The following MAML3 variants were observed in gnomAD, a reference collection of about 807,000 sequenced individuals.
MAML3 encodes mastermind like transcriptional coactivator 3, also known as mastermind-like protein 3.
MAML3 carries 27 observed loss-of-function variants against 101.9 expected under a neutral mutation model. That is an observed-to-expected ratio of 0.27 (90% CI 0.20 to 0.37). The LOEUF (loss-of-function observed/expected upper bound fraction) is 0.37. Among genes scored for constraint, MAML3 ranks in the 10% least tolerant of loss-of-function variants. The probability of loss-of-function intolerance (pLI) is 1.00; values close to 1 mark genes in which losing one functional copy is unlikely to be tolerated. For missense variants in MAML3, 1,316 were observed against 1,444.9 expected, an observed-to-expected ratio of 0.91 and a Z score of 1.45; for synonymous variants, 501 against 555.9, an observed-to-expected ratio of 0.90 and a Z score of 1.39.
intron 2 of MAML3, among the ~76,000 whole-genome samples, chr4:139,746,361 G>C (rs1164146214): frequency 6.6e-6 from 1 of 152,170 alleles, no homozygotes; most frequent in Non-Finnish European, 1.5e-5. Context: ...TACCTTGGTG[G>C]TTTCAGGTAA....
intron 1 of MAML3, among the ~76,000 whole-genome samples, chr4:139,990,559 G>C (rs1199771565): frequency 7.5e-6 from 1 of 132,950 alleles, no homozygotes; most frequent in African/African-American, 2.9e-5. Flanking sequence ...AGGGCAATTA[G>C]GCAGGAGAAG....
intron 1 of MAML3, among the ~76,000 whole-genome samples, chr4:139,899,318 G>A (rs1265964291): frequency 6.6e-6 from 1 of 152,098 alleles, no homozygotes; most frequent in Non-Finnish European, 1.5e-5. Context: ...TCTAGATGGG[G>A]CTTTTTGAAA....
intron 1 of MAML3, among the ~76,000 whole-genome samples, chr4:139,977,441 A>G (rs1196851775): frequency 2.0e-5 from 3 of 152,218 alleles, no homozygotes; most frequent in Non-Finnish European, 4.4e-5. Flanking sequence ...TGTCCTTCAC[A>G]TAAGACTAAG....
intron 2 of MAML3, among the ~76,000 whole-genome samples, chr4:139,855,621 T>C (rs1214404948): frequency 6.6e-6 from 1 of 152,250 alleles, no homozygotes; most frequent in East Asian, 1.9e-4. Flanking sequence ...GGATGTTTGA[T>C]TGTTGTAAAA....
At chr4:139,730,353 C>A (rs1389549967) in intron 3 of MAML3, 63 bp downstream of exon 3, 6 of 1,430,370 alleles carry the variant, frequency 4.2e-6, no homozygotes, top group Non-Finnish European at 4.8e-6. Context: ...TCACAGGCAG[C>A]AGGCAGGTGC....
intron 2 of MAML3, among the ~76,000 whole-genome samples, chr4:139,888,960 C>T (rs1422447891): frequency 6.6e-6 from 1 of 152,114 alleles, no homozygotes; most frequent in African/African-American, 2.4e-5. Context: ...CTGTTGTAGA[C>T]AGCCCTGAAT....
chr4:140,016,217 T>C (rs377215484), intron 1 of MAML3, among the ~76,000 whole-genome samples: 114 of 152,254 alleles, frequency 7.5e-4, no homozygotes, highest in African/African-American at 2.5e-3. Flanking sequence ...TATTTAGGTA[T>C]AACTCTAACA....
rs1036378995 is a variant in MAML3, at chr4:139,718,533, GT to G, written c.*789del. Reference sequence around the variant, plus strand: ...TGACCCACCTGGATGTATGGGTTTTGTATTGGGCGCCAGCAGGCTCCAGCCC... The same window carrying G: ...TGACCCACCTGGATGTATGGGTTTTGATTGGGCGCCAGCAGGCTCCAGCCC... On this transcript the variant is annotated 3_prime_UTR_variant, in exon 5 of 5. Coordinates refer to ENST00000509479, the MANE Select transcript of MAML3 (RefSeq NM_018717.5). 3 of 152,364 alleles carry G rather than the reference GT, an allele frequency of 2.0e-5. No homozygotes were observed. The highest frequency in any genetic ancestry group is 7.2e-5 in the African/African-American group (3 of 41,442). 9.4% of individuals were successfully genotyped at this position (152,364 alleles called of 1,614,324 possible).
At chr4:140,095,109 G>A (rs541042756) in intron 1 of MAML3, among the ~76,000 whole-genome samples, 2 of 152,346 alleles carry the variant, frequency 1.3e-5, no homozygotes, top group Non-Finnish European at 2.9e-5. Flanking sequence ...CAGGAGCCCC[G>A]CCTCCTTCTC....
intron 1 of MAML3, among the ~76,000 whole-genome samples, chr4:139,935,786 C>A (rs1733496258): frequency 6.6e-6 from 1 of 151,962 alleles, no homozygotes. Context: ...ATTTAAGGTG[C>A]ACAACATGAT....
intron 2 of MAML3, among the ~76,000 whole-genome samples, chr4:139,843,492 T>C (rs1731396324): frequency 6.6e-6 from 1 of 152,346 alleles, no homozygotes; most frequent in South Asian, 2.1e-4. Context: ...CAGGTCTTAA[T>C]TACCCATGTT....
At chr4:139,998,883 C>T (rs1441886838) in intron 1 of MAML3, among the ~76,000 whole-genome samples, 1 of 151,974 alleles carries the variant, frequency 6.6e-6, no homozygotes, top group African/African-American at 2.4e-5. Flanking sequence ...TATTTGTTAC[C>T]CCTGTTTCTG....
chr4:140,065,788 C>G (rs923747750), intron 1 of MAML3, among the ~76,000 whole-genome samples: 37 of 152,160 alleles, frequency 2.4e-4, no homozygotes, highest in Non-Finnish European at 4.4e-5. Context: ...TTATTCTCAT[C>G]ATAAAAAGGG....
intron 1 of MAML3, among the ~76,000 whole-genome samples, chr4:140,042,870 G>A (rs1226194512): frequency 6.6e-6 from 1 of 152,044 alleles, no homozygotes; most frequent in African/African-American, 2.4e-5. Flanking sequence ...TTGAAGCTTC[G>A]GTTAGTGGCA....
At chr4:140,145,912 T>G (rs983480589) in intron 1 of MAML3, among the ~76,000 whole-genome samples, 69 of 134,004 alleles carry the variant, frequency 5.1e-4, no homozygotes, top group Non-Finnish European at 1.0e-3. Flanking sequence ...TTACTCTTGT[T>G]GCCCAGGCTG....
At chr4:139,826,037 G>C (rs150653230) in intron 2 of MAML3, among the ~76,000 whole-genome samples, 73 of 152,244 alleles carry the variant, frequency 4.8e-4, no homozygotes, top group African/African-American at 7.0e-4. Context: ...TGGGAGGAAG[G>C]GGGTATCTGT....
At chr4:139,760,955 C>CTTTTCT (rs1172193669) in intron 2 of MAML3, among the ~76,000 whole-genome samples, 2 of 151,734 alleles carry the variant, frequency 1.3e-5, no homozygotes, top group African/African-American at 2.4e-5. Context: ...GCTTTCTTTT[C>CTTTTCT]TTTTCTTTTT....
chr4:140,141,647 A>G (rs930317329), intron 1 of MAML3, among the ~76,000 whole-genome samples: 5 of 152,234 alleles, frequency 3.3e-5, no homozygotes, highest in Admixed American at 6.5e-5. Context: ...TTCCTCCTTC[A>G]GTAAAACCTC....
chr4:139,774,099 A>G (rs1730047094), intron 2 of MAML3, among the ~76,000 whole-genome samples: 1 of 152,202 alleles, frequency 6.6e-6, no homozygotes, highest in South Asian at 2.1e-4. Flanking sequence ...AGCCACAGAA[A>G]AGAGCAGCAG....
Sources: allele counts gnomAD v4.1 joint callset (sites outside exome capture counted in the v4.1 genomes callset), GRCh38; gene constraint gnomAD v4.1.1; transcripts MANE v1.5; gene names NCBI Gene and HGNC (gene_info 2026-07-23, HGNC 2026-07-21).